The following MAPK10 variants were observed in gnomAD, a reference collection of about 807,000 sequenced individuals.
The protein encoded by MAPK10 is JNK3 alpha protein kinase.
In MAPK10, 25 loss-of-function variants were observed where a neutral mutation model predicts 59.3. The ratio of observed to expected loss-of-function variants is 0.42; its 90% CI spans 0.31 to 0.59. The LOEUF (loss-of-function observed/expected upper bound fraction) is 0.59. Ranked by LOEUF, MAPK10 falls within the 20% of genes least tolerant of loss-of-function variation. The probability of loss-of-function intolerance (pLI) is 0.15; values close to 1 mark genes in which losing one functional copy is unlikely to be tolerated. For missense variants in MAPK10, 351 were observed against 568.9 expected (o/e 0.62, Z 3.90); for synonymous variants, 190 against 200.5 (o/e 0.95, Z 0.44).
intron 1 of MAPK10, among the ~76,000 whole-genome samples, chr4:86,426,269 C>A (rs751064189): frequency 3.9e-5 from 6 of 152,036 alleles, no homozygotes; most frequent in Non-Finnish European, 7.4e-5. Context: ...TGCTTATGTT[C>A]GAGATAATTG....
intron 2 of MAPK10, among the ~76,000 whole-genome samples, chr4:86,209,262 C>T (rs908229023): frequency 2.6e-5 from 4 of 152,006 alleles, no homozygotes; most frequent in Non-Finnish European, 5.9e-5. Flanking sequence ...ATTTCTAAAG[C>T]AATGTTTAAG....
intron 1 of MAPK10, among the ~76,000 whole-genome samples, chr4:86,460,379 A>G (rs912837030): frequency 5.3e-5 from 8 of 152,210 alleles, no homozygotes; most frequent in Non-Finnish European, 7.3e-5. Context: ...GTCCAGGAAC[A>G]CACTTTCTCC....
At chr4:86,367,008 A>C (rs1395198399) in intron 1 of MAPK10, among the ~76,000 whole-genome samples, 1 of 152,190 alleles carries the variant, frequency 6.6e-6, no homozygotes, top group Non-Finnish European at 1.5e-5. Context: ...ATAATCTAGA[A>C]TAGACTTGAA....
chr4:86,100,346 A>C (rs1038997770), intron 8 of MAPK10: 1 of 152,154 alleles, frequency 6.6e-6, no homozygotes, highest in African/African-American at 2.4e-5. Context: ...AACTACACTC[A>C]ATTGTGATAC....
intron 1 of MAPK10, chr4:86,358,409 C>T: frequency 3.1e-6 from 3 of 981,638 alleles, no homozygotes; most frequent in Non-Finnish European, 3.6e-6. Context: ...GTAGTCTATC[C>T]CATATGACTT....
chr4:86,035,447 A>T (rs1361814342), intron 11 of MAPK10, among the ~76,000 whole-genome samples: 1 of 151,446 alleles, frequency 6.6e-6, no homozygotes, highest in East Asian at 1.9e-4. Flanking sequence ...CCACTGAGGA[A>T]TGTAAGAGAA....
chr4:86,447,015 C>T (rs1289161647), intron 1 of MAPK10, among the ~76,000 whole-genome samples: 1 of 152,070 alleles, frequency 6.6e-6, no homozygotes, highest in Non-Finnish European at 1.5e-5. Flanking sequence ...ATTTATGTTG[C>T]ATGTTAAACG....
At chr4:86,204,917 C>G (rs919881363) in intron 2 of MAPK10, among the ~76,000 whole-genome samples, 1 of 151,918 alleles carries the variant, frequency 6.6e-6, no homozygotes, top group Non-Finnish European at 1.5e-5. Context: ...AAAAAATGTT[C>G]TTTCCATTAT....
At chr4:86,263,899 T>C (rs919326244) in intron 2 of MAPK10, among the ~76,000 whole-genome samples, 1 of 152,196 alleles carries the variant, frequency 6.6e-6, no homozygotes, top group East Asian at 1.9e-4. Context: ...AACTAAGGAA[T>C]CATTTCCAAA....
At chr4:86,091,764 C>A (rs1041080767) in intron 9 of MAPK10, among the ~76,000 whole-genome samples, 3 of 151,850 alleles carry the variant, frequency 2.0e-5, no homozygotes, top group Non-Finnish European at 4.4e-5. Flanking sequence ...ACCTCTGCCC[C>A]CTGGGTTCAA....
At chr4:86,505,730 TAAAG>T (rs1295674805) in intron 1 of MAPK10, among the ~76,000 whole-genome samples, 2 of 152,142 alleles carry the variant, frequency 1.3e-5, no homozygotes, top group African/African-American at 4.8e-5. Context: ...ACAGAAGAGA[TAAAG>T]AAAGATATCC....
chr4:86,237,238 A>T (rs2092329316), intron 2 of MAPK10, among the ~76,000 whole-genome samples: 1 of 151,984 alleles, frequency 6.6e-6, no homozygotes, highest in South Asian at 2.1e-4. Flanking sequence ...TATGTACCAC[A>T]TTTATCCAGT....
upstream of MAPK10, chr4:86,360,242 A>G (rs1263320588): frequency 1.0e-6 from 1 of 984,056 alleles, no homozygotes; most frequent in Non-Finnish European, 1.2e-6. Flanking sequence ...AGGCAAATGT[A>G]AAGGAATAAG....
At chr4:86,355,694 C>T (rs1203333173) in intron 1 of MAPK10, among the ~76,000 whole-genome samples, 2 of 152,024 alleles carry the variant, frequency 1.3e-5, no homozygotes, top group South Asian at 2.1e-4. Context: ...AAAAGTCAGT[C>T]CCTGATGGGG....
chr4:86,588,355 T>C (rs1203187028), intron 1 of MAPK10, among the ~76,000 whole-genome samples: 1 of 152,212 alleles, frequency 6.6e-6, no homozygotes, highest in Admixed American at 6.5e-5. Flanking sequence ...AACATATGGT[T>C]GTAAAGATTT....
At chr4:86,460,533 C>T (rs1579297120) in intron 1 of MAPK10, among the ~76,000 whole-genome samples, 1 of 152,218 alleles carries the variant, frequency 6.6e-6, no homozygotes, top group Non-Finnish European at 1.5e-5. Context: ...ATGCTGGGAA[C>T]AGGCCCCCAA....
At chr4:86,307,649 A>C (rs972486731) in intron 2 of MAPK10, among the ~76,000 whole-genome samples, 1 of 152,190 alleles carries the variant, frequency 6.6e-6, no homozygotes, top group African/African-American at 2.4e-5. Flanking sequence ...AAGACCAAAA[A>C]CAGAAACATA....
chr4:86,180,832 G>T (rs1003960471), intron 3 of MAPK10, among the ~76,000 whole-genome samples: 1 of 151,998 alleles, frequency 6.6e-6, no homozygotes, highest in African/African-American at 2.4e-5. Flanking sequence ...TAGAACAGAG[G>T]ATACTGGAGG....
At chr4:86,108,859 A>G (rs1037373795) in intron 4 of MAPK10, among the ~76,000 whole-genome samples, 1 of 152,196 alleles carries the variant, frequency 6.6e-6, no homozygotes, top group African/African-American at 2.4e-5. Flanking sequence ...CGTGGCCTAG[A>G]GTCAACACTC....
Sources: gnomAD v4.1 joint callset for allele counts (sites outside exome capture counted in the v4.1 genomes callset) on GRCh38, gnomAD v4.1.1 for gene constraint, MANE v1.5 for transcripts, NCBI Gene and HGNC (gene_info 2026-07-23, HGNC 2026-07-21) for gene names.